The following PCDHGA8 variants were observed in gnomAD, a reference collection of about 807,000 sequenced individuals.
PCDHGA8 encodes protocadherin gamma-A8.
In PCDHGA8, 45 loss-of-function variants were observed where a neutral mutation model predicts 59.2. The observed-to-expected ratio is 0.76, with a 90% CI of 0.60 to 0.98. PCDHGA8 has a LOEUF of 0.98. PCDHGA8 is among the 50% of genes least tolerant of loss of function. The pLI, the probability that PCDHGA8 is intolerant of heterozygous loss-of-function variation, is 0.00. For synonymous variants in PCDHGA8, 531 were observed against 519.0 expected, an observed-to-expected ratio of 1.02 and a Z score of -0.32; for missense variants, 1,257 against 1,196.2, an observed-to-expected ratio of 1.05 and a Z score of -0.75.
intron 2 of PCDHGA8, among the ~76,000 whole-genome samples, chr5:141,496,631 G>A (rs1434126210): frequency 6.6e-6 from 1 of 152,164 alleles, no homozygotes; most frequent in Admixed American, 6.5e-5. Context: ...CAAAAGGCTT[G>A]GGCTGCCCTT....
In PCDHGA8 at chr5:141,489,087, T is replaced by A. The variant is rs2099682381; in HGVS notation, c.2425-5720T>A. ...CCCCCTGCCCACCCCCGCCACTCGG[T>A]GACTAAGAACTGCTGCAAGCAGGCA... is the stretch of plus-strand genomic sequence containing the variant. On this transcript the variant is annotated intron_variant, in intron 1 of 3. Coordinates refer to ENST00000398604, the MANE Select transcript of PCDHGA8 (RefSeq NM_032088.2). This position sits in a 1 kb window ranked among gnomAD's most constrained non-coding sequence, Gnocchi z 4.5. The A allele has an allele frequency of 4.6e-6, 1 of 216,106 alleles. No individual in the cohort carries two copies. Among genetic ancestry groups the A allele is most frequent in the Non-Finnish European group, 8.4e-6 (1 of 118,734 alleles). 13.4% of individuals were successfully genotyped at this position (216,106 alleles called of 1,614,324 possible). A position where few individuals can be genotyped will look rare whatever the true frequency, so the allele number is the denominator to read the frequency against.
chr5:141,426,276 C>A, intron 1 of PCDHGA8: 1 of 164,340 alleles, frequency 6.1e-6, no homozygotes, highest in South Asian at 1.6e-4. Context: ...TGCAGCAACG[C>A]ATGGGAAGGA....
intron 1 of PCDHGA8, chr5:141,418,384 C>A (rs774636792): frequency 1.5e-5 from 25 of 1,613,864 alleles, no homozygotes; most frequent in East Asian, 4.5e-5. Context: ...TAAGTCCTAA[C>A]GAGTATTTCT....
At position 141,402,911 on chromosome 5, in the gene PCDHGA8, C is replaced by CT. The variant is rs2094320554; in HGVS notation, c.2424+7674_2424+7675insT. 6 of 1,551,858 alleles carry CT rather than the reference C, an allele frequency of 3.9e-6. No homozygotes were observed. In the African/African-American group the frequency reaches 8.2e-5, roughly 21 times the overall value. ...GAAGAAAGAACCTGATGAAGCAGCG[C>CT]GCACAGAGATCCTTTTGAGAAAATT... On this transcript the variant is annotated intron_variant, in intron 1 of 3. Coordinates refer to ENST00000398604, the MANE Select transcript of PCDHGA8 (RefSeq NM_032088.2).
chr5:141,431,554 C>A lies in PCDHGA8; in HGVS notation c.2424+36317C>A, dbSNP rs766242338. On this transcript the variant is annotated intron_variant, in intron 1 of 3. Coordinates refer to ENST00000398604, the MANE Select transcript of PCDHGA8 (RefSeq NM_032088.2). The surrounding 1 kb of genome is among the most constrained non-coding windows in gnomAD (Gnocchi z 4.8). ...TGGGCACGCAGCTGCTTGTAGTCAA[C>A]GCTACCGACCCTGACGAAGGAGTCA... 1.2e-6 allele frequency: 2 copies of A among 1,614,008 alleles called. No individual in the cohort carries two copies. Among genetic ancestry groups the A allele is most frequent in the African/African-American group, 1.3e-5 (1 of 74,942 alleles).
intron 1 of PCDHGA8, chr5:141,408,648 G>A: frequency 2.5e-6 from 4 of 1,613,922 alleles, no homozygotes; most frequent in South Asian, 2.2e-5. Flanking sequence ...GCATCCGCTG[G>A]TACACGACTA....
intron 1 of PCDHGA8, chr5:141,400,054 C>G: frequency 6.2e-7 from 1 of 1,613,622 alleles, no homozygotes; most frequent in Non-Finnish European, 8.5e-7. Flanking sequence ...GGTTGCTGTG[C>G]GTGATGGTGG....
chr5:141,399,320 A>T (rs775357251), intron 1 of PCDHGA8: 2 of 1,614,010 alleles, frequency 1.2e-6, no homozygotes, highest in Non-Finnish European at 1.7e-6. Flanking sequence ...AAAAATTCGT[A>T]TAAGTTGGTA....
intron 1 of PCDHGA8, chr5:141,415,357 C>T: frequency 6.2e-7 from 1 of 1,614,250 alleles, no homozygotes; most frequent in Non-Finnish European, 8.5e-7. Context: ...CAAGTCACGC[C>T]TGCTGCAGGC....
At chr5:141,413,221 G>C (rs1384304697) in intron 1 of PCDHGA8, 1 of 1,613,570 alleles carries the variant, frequency 6.2e-7, no homozygotes, top group South Asian at 1.1e-5. Context: ...GGATTGCAGC[G>C]GGCTGGTCCT....
At chr5:141,420,468 T>G in intron 1 of PCDHGA8, 1 of 799,886 alleles carries the variant, frequency 1.3e-6, no homozygotes, top group East Asian at 3.3e-5. Context: ...CAAAGACATT[T>G]TAAAGCAAAC....
rs201424832 is a variant in PCDHGA8 at position 141,490,802 on chromosome 5, C to T, written c.2425-4005C>T. On this transcript the variant is annotated intron_variant, in intron 1 of 3. Transcript: ENST00000398604. This position sits in a 1 kb window ranked among gnomAD's most constrained non-coding sequence, Gnocchi z 5.4. Reference sequence around the variant, plus strand: ...GATGGACGGATCTTTGCCCAGCGTACCTTTGACTATGAATTGCTGCAGATG... The same window carrying T: ...GATGGACGGATCTTTGCCCAGCGTATCTTTGACTATGAATTGCTGCAGATG... 1 of 1,613,944 alleles carries T rather than the reference C, an allele frequency of 6.2e-7. No homozygotes were observed. Among genetic ancestry groups the T allele is most frequent in the East Asian group, 2.2e-5 (1 of 44,886 alleles).
Position 141,415,188 on chromosome 5 carries a change from C to G in PCDHGA8, c.2424+19951C>G, listed in dbSNP as rs2095841560. On this transcript the variant is annotated intron_variant, in intron 1 of 3. Coordinates refer to ENST00000398604, the MANE Select transcript of PCDHGA8 (RefSeq NM_032088.2). Reference sequence around the variant, plus strand: ...CGCTCACCGTGGCCGTGGCCGACAGCATCCCCCAAGTCCTGGCGGACCTCG... The same window carrying G: ...CGCTCACCGTGGCCGTGGCCGACAGGATCCCCCAAGTCCTGGCGGACCTCG... 3 of 1,614,006 alleles carry G rather than the reference C, an allele frequency of 1.9e-6. No homozygotes were observed. The East Asian group carries it at 6.7e-5, about 36-fold the overall frequency.
intron 1 of PCDHGA8, chr5:141,415,744 T>TTTG (rs2095926305): frequency 2.5e-6 from 1 of 404,416 alleles, no homozygotes; most frequent in South Asian, 6.6e-5. Context: ...ATTAAGGTTT[T>TTTG]TTTTTTTTTT....
chr5:141,484,004 G>C (rs1042457090), intron 1 of PCDHGA8, among the ~76,000 whole-genome samples: 5 of 146,164 alleles, frequency 3.4e-5, no homozygotes, highest in Non-Finnish European at 4.5e-5. Flanking sequence ...AGGTCTGGAT[G>C]AGGGTGGGGG....
chr5:141,395,197 T>C lies in PCDHGA8; in HGVS notation c.2384T>C (p.Val795Ala). Residue 795 changes from valine to alanine, a missense_variant, in exon 1 of 4, where the codon GTA (valine) becomes GCA (alanine). Coordinates refer to ENST00000398604, the MANE Select transcript of PCDHGA8 (RefSeq NM_032088.2). Reference protein sequence around the residue: ...CEKNDSLLTSVDFHEYKNEAD... With the variant: ...CEKNDSLLTSADFHEYKNEAD... Reference sequence around the variant, plus strand: ...AAAAATGATTCTTTGTTAACATCCGTAGATTTTCATGAATATAAGAATGAA... The same window carrying C: ...AAAAATGATTCTTTGTTAACATCCGCAGATTTTCATGAATATAAGAATGAA... 6.2e-7 allele frequency: 1 copy of C among 1,614,012 alleles called. No homozygotes were observed. Among genetic ancestry groups the C allele is most frequent in the Non-Finnish European group, 8.5e-7 (1 of 1,179,908 alleles).
intron 1 of PCDHGA8, chr5:141,398,715 G>A: frequency 1.2e-6 from 2 of 1,613,850 alleles, no homozygotes; most frequent in Non-Finnish European, 1.7e-6. Flanking sequence ...AACTGGCACT[G>A]GAGAAAACCT....
At chr5:141,440,841 A>G (rs1361003883) in intron 1 of PCDHGA8, 5 of 152,114 alleles carry the variant, frequency 3.3e-5, no homozygotes, top group Admixed American at 1.3e-4. Flanking sequence ...GTTGAAGCCA[A>G]TGACAACCCT....
intron 1 of PCDHGA8, among the ~76,000 whole-genome samples, chr5:141,456,940 G>A (rs1284610928): frequency 6.6e-6 from 1 of 152,138 alleles, no homozygotes; most frequent in Non-Finnish European, 1.5e-5. Context: ...TCCAGCCTGG[G>A]CAACAGAGCA....
Sources: gnomAD v4.1 joint callset for allele counts (sites outside exome capture counted in the v4.1 genomes callset) on GRCh38, gnomAD v4.1.1 for gene constraint, Gnocchi (gnomAD v3.1) non-coding constraint, MANE v1.5 for transcripts, NCBI Gene and HGNC (gene_info 2026-07-23, HGNC 2026-07-21) for gene names.